The following SEMA3A variants were observed in gnomAD, a reference collection of about 807,000 sequenced individuals.
SEMA3A encodes semaphorin 3A, also known as semaphorin-3A.
SEMA3A carries 29 observed loss-of-function variants against 97.9 expected under a neutral mutation model. That is an observed-to-expected ratio of 0.30 (90% CI 0.22 to 0.40). The LOEUF (loss-of-function observed/expected upper bound fraction) is 0.40, where lower values mean the gene tolerates loss of function less well. Among genes scored for constraint, SEMA3A ranks in the 10% least tolerant of loss-of-function variants. SEMA3A has a pLI of 1.00. For missense variants in SEMA3A, 763 were observed against 951.3 expected (o/e 0.80, Z 2.60); for synonymous variants, 321 against 323.7 (o/e 0.99, Z 0.09).
intron 4 of SEMA3A, among the ~76,000 whole-genome samples, chr7:84,081,936 G>T (rs1438864568): frequency 6.6e-6 from 1 of 151,978 alleles, no homozygotes; most frequent in Admixed American, 6.6e-5. Context: ...AAACTACAAT[G>T]TATATTTTTG....
At position 84,355,809 on chromosome 7, in the gene SEMA3A, A is replaced by G. The variant is rs1371786857; in HGVS notation, c.-169+16015T>C. Among the ~76,000 whole-genome samples the G allele has an allele frequency of 2.6e-5, 4 of 152,052 alleles. 1 individual carries two copies. Among genetic ancestry groups the G allele is most frequent in the Admixed American group, 2.6e-4 (4 of 15,228 alleles). On this transcript the variant is annotated intron_variant, in intron 2 of 3. Coordinates refer to the SEMA3A transcript ENST00000424555. Reference sequence around the variant, plus strand: ...ATATATAAGCCTGAGTTAATGTTGTAATAAAAGACCGAGAAGAAAAGATCT... The same window carrying G: ...ATATATAAGCCTGAGTTAATGTTGTGATAAAAGACCGAGAAGAAAAGATCT...
intron 3 of SEMA3A, among the ~76,000 whole-genome samples, chr7:84,218,072 T>C (rs1386125882): frequency 1.3e-5 from 2 of 152,158 alleles, no homozygotes; most frequent in African/African-American, 4.8e-5. Context: ...GGTGATATTT[T>C]TTGTATAATT....
chr7:84,406,146 C>T (rs1209359146), intron 1 of SEMA3A, among the ~76,000 whole-genome samples: 1 of 151,924 alleles, frequency 6.6e-6, no homozygotes, highest in South Asian at 2.1e-4. Flanking sequence ...ATTGATAGAC[C>T]ACTAGCAAGA....
intron 4 of SEMA3A, among the ~76,000 whole-genome samples, chr7:84,066,595 A>G (rs1217151297): frequency 6.7e-6 from 1 of 149,258 alleles, no homozygotes; most frequent in East Asian, 1.9e-4. Context: ...AAATCAATGT[A>G]CAAAAATCAC....
At chr7:84,420,121 A>T (rs1342948488) in intron 1 of SEMA3A, among the ~76,000 whole-genome samples, 1 of 152,106 alleles carries the variant, frequency 6.6e-6, no homozygotes, top group Non-Finnish European at 1.5e-5. Context: ...TAGGATTCAA[A>T]TATTCAGATT....
At chr7:84,115,322 G>C (rs1286564931) in intron 3 of SEMA3A, among the ~76,000 whole-genome samples, 1 of 151,950 alleles carries the variant, frequency 6.6e-6, no homozygotes, top group Non-Finnish European at 1.5e-5. Flanking sequence ...TTTCAGTTAA[G>C]TGCCCAATTT....
intron 11 of SEMA3A, among the ~76,000 whole-genome samples, chr7:84,003,032 A>G (rs1790523884): frequency 6.6e-6 from 1 of 152,186 alleles, no homozygotes; most frequent in South Asian, 2.1e-4. Context: ...AAATCTAGTT[A>G]GCTTCAACTG....
intron 1 of SEMA3A, among the ~76,000 whole-genome samples, chr7:84,430,343 T>C (rs1804946938): frequency 6.6e-6 from 1 of 151,928 alleles, no homozygotes; most frequent in South Asian, 2.1e-4. Context: ...CCAAATATAG[T>C]TAACTAAATA....
At chr7:84,023,589 A>T (rs1303539998) in intron 6 of SEMA3A, among the ~76,000 whole-genome samples, 3 of 152,194 alleles carry the variant, frequency 2.0e-5, no homozygotes, top group Non-Finnish European at 4.4e-5. Flanking sequence ...ATCCTCTTGT[A>T]AAACATGTCA....
chr7:84,142,797 G>A (rs760650733), intron 1 of SEMA3A, among the ~76,000 whole-genome samples: 3 of 152,082 alleles, frequency 2.0e-5, no homozygotes, highest in Non-Finnish European at 4.4e-5. Context: ...TCCCTCCAAA[G>A]TCCAAACAAA....
intron 3 of SEMA3A, among the ~76,000 whole-genome samples, chr7:84,236,479 A>C (rs1238836534): frequency 2.0e-5 from 3 of 152,110 alleles, no homozygotes; most frequent in Non-Finnish European, 2.9e-5. Flanking sequence ...TGCAAGAGAA[A>C]ATGAACATTA....
At chr7:83,988,036 G>T (rs1324365868) in intron 12 of SEMA3A, among the ~76,000 whole-genome samples, 1 of 151,864 alleles carries the variant, frequency 6.6e-6, no homozygotes, top group African/African-American at 2.4e-5. Context: ...TTTTTTCTTG[G>T]CTGCTTCCTC....
chr7:84,107,329 A>T (rs1053845983), intron 4 of SEMA3A, among the ~76,000 whole-genome samples: 5 of 152,186 alleles, frequency 3.3e-5, no homozygotes, highest in Non-Finnish European at 5.9e-5. Context: ...TTGAAAATTA[A>T]ATTTGATGTA....
upstream of SEMA3A, among the ~76,000 whole-genome samples, chr7:84,197,457 A>G (rs1360339472): frequency 1.3e-5 from 2 of 152,236 alleles, no homozygotes; most frequent in African/African-American, 4.8e-5. Flanking sequence ...AAAATGAAAG[A>G]AGAAAGTAAA....
At chr7:84,127,910 A>G (rs16887632) in intron 3 of SEMA3A, among the ~76,000 whole-genome samples, 10,657 of 152,210 alleles carry the variant, frequency 0.07, 450 homozygotes, top group East Asian at 0.2. Context: ...ACTTTTAAAC[A>G]TATTGCTTTG....
intron 3 of SEMA3A, among the ~76,000 whole-genome samples, chr7:84,270,502 C>T (rs1398654328): frequency 6.9e-6 from 1 of 145,214 alleles, no homozygotes. Flanking sequence ...TTCTTTCTTT[C>T]TCTCTCTCTC....
intron 1 of SEMA3A, among the ~76,000 whole-genome samples, chr7:84,397,660 G>A (rs78391184): frequency 0.026 from 3,976 of 151,790 alleles, 163 homozygotes; most frequent in African/African-American, 0.09. Context: ...GTGAAAATAC[G>A]TTGTGAATTT....
rs980417869 is a variant in SEMA3A, at chr7:84,277,303, T to C, written c.-83+29904A>G. ...TGGTATGAAATCATGGTTTAATATA[T>C]AGATATAGATGTAATGATAGATATA... is the stretch of plus-strand genomic sequence containing the variant. On this transcript the variant is annotated intron_variant, in intron 3 of 3. Coordinates refer to the SEMA3A transcript ENST00000424555. Among the ~76,000 whole-genome samples the C allele has an allele frequency of 3.9e-5, 6 of 152,100 alleles. No individual in the cohort carries two copies. The East Asian group carries it at 1.2e-3, about 29-fold the overall frequency.
intron 4 of SEMA3A, among the ~76,000 whole-genome samples, chr7:84,095,363 A>ATTTTTTTT (rs1562778225): frequency 2.3e-3 from 112 of 48,556 alleles, no homozygotes; most frequent in Admixed American, 6.1e-3. Context: ...ATATACATAT[A>ATTTTTTTT]TATATATATA....
Sources: gnomAD v4.1 joint callset for allele counts (sites outside exome capture counted in the v4.1 genomes callset) on GRCh38, gnomAD v4.1.1 for gene constraint, MANE v1.5 for transcripts, NCBI Gene and HGNC (gene_info 2026-07-23, HGNC 2026-07-21) for gene names.